DERA: variants seen among roughly 807,000 people sequenced by gnomAD.
DERA encodes deoxyribose-phosphate aldolase, also known as 2-deoxy-D-ribose 5-phosphate aldolase.
Under a neutral mutation model 41.1 loss-of-function variants are expected in DERA, and 15 were observed. That is an observed-to-expected ratio of 0.37 (90% CI 0.24 to 0.56). The LOEUF is 0.56. Among genes scored for constraint, DERA ranks in the 20% least tolerant of loss-of-function variants. The pLI is 0.81. For missense variants in DERA, 396 were observed against 403.4 expected (o/e 0.98, Z 0.16); for synonymous variants, 139 against 137.4 (o/e 1.01, Z -0.08).
rs1238689133 is a variant in DERA at position 15,938,735 on chromosome 12, T to C, written c.32-18201T>C. Among the ~76,000 whole-genome samples, 1 of 152,244 alleles carries C rather than the reference T, an allele frequency of 6.6e-6. No individual in the cohort carries two copies. The highest frequency in any genetic ancestry group is 1.5e-5 in the Non-Finnish European group (1 of 68,054). ...ACCAGAAATGTTTTCACAGCTAATATATTTTTGCCTCCATTCTGAGACAAA... is the reference window on the plus strand; with the variant it reads ...ACCAGAAATGTTTTCACAGCTAATACATTTTTGCCTCCATTCTGAGACAAA... On this transcript the variant is annotated intron_variant, in intron 1 of 8. Coordinates refer to ENST00000428559, the MANE Select transcript of DERA (RefSeq NM_015954.4). This position sits in a 1 kb window ranked among gnomAD's most constrained non-coding sequence, Gnocchi z 4.1.
At position 15,911,383 on chromosome 12, in the gene DERA, C is replaced by T; in HGVS notation, c.-1C>T. 1.4e-6 allele frequency: 2 copies of T among 1,405,922 alleles called. No homozygotes were observed. The highest frequency in any genetic ancestry group is 1.8e-6 in the Non-Finnish European group (2 of 1,092,976). 87.1% of individuals were successfully genotyped at this position (1,405,922 alleles called of 1,614,324 possible). ...CCGGCAGCTCCGGAGCTGCCCGCGC[C>T]ATGTCCGCGCACAATCGGGGCACCG... is the stretch of plus-strand genomic sequence containing the variant. On this transcript the variant is annotated 5_prime_UTR_variant, in exon 1 of 9. Transcript: ENST00000428559. This position sits in a 1 kb window ranked among gnomAD's most constrained non-coding sequence, Gnocchi z 4.5.
At chr12:15,934,446 C>T (rs908965835) in intron 1 of DERA, among the ~76,000 whole-genome samples, 3 of 152,060 alleles carry the variant, frequency 2.0e-5, no homozygotes, top group East Asian at 3.9e-4. Flanking sequence ...ATTAGCTGTG[C>T]GTGGTGGTGG....
At chr12:15,955,277 C>T (rs1367476973) in intron 1 of DERA, among the ~76,000 whole-genome samples, 10 of 148,390 alleles carry the variant, frequency 6.7e-5, no homozygotes, top group African/African-American at 1.7e-4. Flanking sequence ...CCAGCCTGGG[C>T]GACAGAGAGA....
At position 15,970,930 on chromosome 12, in the gene DERA, T is replaced by C. The variant is rs1159238277; in HGVS notation, c.508+7983T>C. On this transcript the variant is annotated intron_variant, in intron 5 of 8. Coordinates refer to ENST00000428559, the MANE Select transcript of DERA (RefSeq NM_015954.4). This position sits in a 1 kb window ranked among gnomAD's most constrained non-coding sequence, Gnocchi z 4.3. ...AAATAGAGAATAAATGGTGTTACCA[T>C]CTTTATTCAGAAAGTCATTATTTTT... is the stretch of plus-strand genomic sequence containing the variant. 6.6e-6 allele frequency among the ~76,000 whole-genome samples: 1 copy of C among 152,254 alleles called. No individual in the cohort carries two copies. Among genetic ancestry groups the C allele is most frequent in the Non-Finnish European group, 1.5e-5 (1 of 68,042 alleles).
At chr12:15,945,840 G>C (rs1165830643) in intron 1 of DERA, among the ~76,000 whole-genome samples, 4 of 152,054 alleles carry the variant, frequency 2.6e-5, no homozygotes, top group African/African-American at 4.8e-5. Context: ...CAGTTTTTGT[G>C]CATTCAGTAT....
chr12:16,001,734 C>T lies in DERA; in HGVS notation c.637+19298C>T, dbSNP rs1003238423. 2.6e-5 allele frequency among the ~76,000 whole-genome samples: 4 copies of T among 152,128 alleles called. No homozygotes were observed. The highest frequency in any genetic ancestry group is 5.9e-5 in the Non-Finnish European group (4 of 68,030). On this transcript the variant is annotated intron_variant, in intron 6 of 8. Transcript: ENST00000428559. The surrounding 1 kb of genome is among the most constrained non-coding windows in gnomAD (Gnocchi z 4.1). ...CAGAGGAGAAATTTTCCCAGGAGGG[C>T]GAGGTCATGAGTTAGGAGAACACTA...
At chr12:15,997,068 C>T (rs1948843065) in intron 6 of DERA, among the ~76,000 whole-genome samples, 1 of 152,112 alleles carries the variant, frequency 6.6e-6, no homozygotes, top group Admixed American at 6.5e-5. Context: ...GTTTTGGGAC[C>T]TATGGGTTTT....
In DERA at chr12:15,913,620, A is replaced by C. The variant is rs962456726; in HGVS notation, c.31+2206A>C. Among the ~76,000 whole-genome samples, 1 of 152,214 alleles carries C rather than the reference A, an allele frequency of 6.6e-6. No homozygotes were observed. Among genetic ancestry groups the C allele is most frequent in the African/African-American group, 2.4e-5 (1 of 41,460 alleles). Reference sequence around the variant, plus strand: ...AATGTTGTAATATTATTACTAGTCCAATCACTGTTATTTATGATTTGGTGT... The same window carrying C: ...AATGTTGTAATATTATTACTAGTCCCATCACTGTTATTTATGATTTGGTGT... On this transcript the variant is annotated intron_variant, in intron 1 of 8. Coordinates refer to ENST00000428559, the MANE Select transcript of DERA (RefSeq NM_015954.4). This position sits in a 1 kb window ranked among gnomAD's most constrained non-coding sequence, Gnocchi z 4.5.
chr12:15,923,050 T>G, intron 1 of DERA, among the ~76,000 whole-genome samples: 1 of 128,126 alleles, frequency 7.8e-6, no homozygotes, highest in Non-Finnish European at 1.6e-5. Flanking sequence ...TGAGACGGAG[T>G]CTCGCTCTGT....
chr12:15,960,228 A>G (rs903527265), intron 4 of DERA, among the ~76,000 whole-genome samples: 2 of 150,514 alleles, frequency 1.3e-5, no homozygotes. Context: ...ACACACACAT[A>G]TACATACTAT....
In DERA at chr12:15,967,790, G is replaced by A. The variant is rs1948633053; in HGVS notation, c.508+4843G>A. Among the ~76,000 whole-genome samples the A allele has an allele frequency of 6.6e-6, 1 of 152,162 alleles. No individual in the cohort carries two copies. The highest frequency in any genetic ancestry group is 1.5e-5 in the Non-Finnish European group (1 of 68,022). ...CCTGTCTAGCTGGACATGGAAACGT[G>A]GATAACTACATTTCTCACTTACCAC... is the stretch of plus-strand genomic sequence containing the variant. On this transcript the variant is annotated intron_variant, in intron 5 of 8. Coordinates refer to ENST00000428559, the MANE Select transcript of DERA (RefSeq NM_015954.4). This position sits in a 1 kb window ranked among gnomAD's most constrained non-coding sequence, Gnocchi z 4.9.
chr12:15,949,458 A>AGGCTCCGTGG (rs753453330), intron 1 of DERA, among the ~76,000 whole-genome samples: 33,496 of 151,888 alleles, frequency 0.22, 3,948 homozygotes, highest in Admixed American at 0.33. Flanking sequence ...CTGCTGTGCT[A>AGGCTCCGTGG]GCAATGAGCA....
At chr12:15,917,235 A>C (rs1948207300) in intron 1 of DERA, among the ~76,000 whole-genome samples, 1 of 152,230 alleles carries the variant, frequency 6.6e-6, no homozygotes, top group African/African-American at 2.4e-5. Context: ...AACATAAGGC[A>C]GTGTATTCTT....
At chr12:15,960,778 T>A (rs981584961) in intron 4 of DERA, among the ~76,000 whole-genome samples, 40 of 151,530 alleles carry the variant, frequency 2.6e-4, no homozygotes, top group Non-Finnish European at 4.4e-4. Context: ...TTGCATTGGA[T>A]CTTAAAGGAT....
At chr12:16,005,872 G>A (rs1166968318) in intron 6 of DERA, among the ~76,000 whole-genome samples, 2 of 152,146 alleles carry the variant, frequency 1.3e-5, no homozygotes, top group Non-Finnish European at 2.9e-5. Flanking sequence ...TTTTTAAGCA[G>A]ACAAGATTAC....
At chr12:15,926,757 A>AG (rs1426581557) in intron 1 of DERA, among the ~76,000 whole-genome samples, 7 of 151,326 alleles carry the variant, frequency 4.6e-5, no homozygotes, top group African/African-American at 9.7e-5. Flanking sequence ...AAAAAAAAAA[A>AG]AAAAGAAACA....
rs1329094682 is a variant in DERA at position 15,940,031 on chromosome 12, A to G, written c.32-16905A>G. 6.6e-6 allele frequency among the ~76,000 whole-genome samples: 1 copy of G among 152,226 alleles called. No homozygotes were observed. The highest frequency in any genetic ancestry group is 1.5e-5 in the Non-Finnish European group (1 of 68,034). On this transcript the variant is annotated intron_variant, in intron 1 of 8. Coordinates refer to ENST00000428559, the MANE Select transcript of DERA (RefSeq NM_015954.4). This position sits in a 1 kb window ranked among gnomAD's most constrained non-coding sequence, Gnocchi z 5.1. ...TTCTGTTCCATAGGTTTCCTAATTT[A>G]ATAAGAACATATTTTTACCATGATA...
rs191519985 is a variant in DERA at position 15,954,265 on chromosome 12, G to A, written c.32-2671G>A. Reference sequence around the variant, plus strand: ...CCTTTCTGGTCTTTGGGAACCACTCGACTTATTTATCGTATGCCACCCGTG... The same window carrying A: ...CCTTTCTGGTCTTTGGGAACCACTCAACTTATTTATCGTATGCCACCCGTG... On this transcript the variant is annotated intron_variant, in intron 1 of 8. Transcript: ENST00000428559. The surrounding 1 kb of genome is among the most constrained non-coding windows in gnomAD (Gnocchi z 4.0). 7.1e-4 allele frequency among the ~76,000 whole-genome samples: 108 copies of A among 152,278 alleles called. No homozygotes were observed. Among genetic ancestry groups the A allele is most frequent in the African/African-American group, 2.3e-3 (97 of 41,554 alleles).
chr12:15,962,287 G>T (rs901398714), intron 4 of DERA, among the ~76,000 whole-genome samples: 2 of 152,148 alleles, frequency 1.3e-5, no homozygotes, highest in Admixed American at 6.5e-5. Flanking sequence ...TGCCAGGCTG[G>T]TTGTTTTTAA....
Sources: allele counts gnomAD v4.1 joint callset (sites outside exome capture counted in the v4.1 genomes callset), GRCh38; gene constraint gnomAD v4.1.1; non-coding constraint Gnocchi (gnomAD v3.1); transcripts MANE v1.5; gene names NCBI Gene and HGNC (gene_info 2026-07-23, HGNC 2026-07-21).